The following RAB40B variants were observed in gnomAD, a reference collection of about 807,000 sequenced individuals.
The protein encoded by RAB40B is RAB40B, member RAS oncogene family.
In RAB40B, 21 loss-of-function variants were observed where a neutral mutation model predicts 24.0. The ratio of observed to expected loss-of-function variants is 0.88; its 90% CI spans 0.62 to 1.26. The LOEUF is 1.26. Among genes scored for constraint, RAB40B ranks in the 50% most tolerant of loss-of-function variants. RAB40B has a pLI of 0.00. For synonymous variants in RAB40B, 167 were observed against 169.8 expected (o/e 0.98, Z 0.13); for missense variants, 348 against 390.5 (o/e 0.89, Z 0.92).
rs958240832 is a variant in RAB40B at position 82,663,855 on chromosome 17, C to T, written c.203+641G>A. On this transcript the variant is annotated intron_variant, in intron 2 of 5. Coordinates refer to ENST00000571995, the MANE Select transcript of RAB40B (RefSeq NM_006822.3). The surrounding 1 kb of genome is among the most constrained non-coding windows in gnomAD (Gnocchi z 6.2). ...GATCCCAAAAGCCGATTCCCAGCCA[C>T]AGCGCTATGTCCGTTCTGGGGTCCC... Among the ~76,000 whole-genome samples the T allele has an allele frequency of 6.6e-6, 1 of 152,212 alleles. No individual in the cohort carries two copies. Among genetic ancestry groups the T allele is most frequent in the Non-Finnish European group, 1.5e-5 (1 of 68,020 alleles).
At chr17:82,693,010 C>CA (rs2046573762) in intron 1 of RAB40B, among the ~76,000 whole-genome samples, 1 of 149,818 alleles carries the variant, frequency 6.7e-6, no homozygotes, top group Non-Finnish European at 1.5e-5. Context: ...TATTTTTTTT[C>CA]TTTTTTTTTG....
chr17:82,671,459 C>A (rs12942304), intron 1 of RAB40B, among the ~76,000 whole-genome samples: 4,570 of 73,162 alleles, frequency 0.062, 301 homozygotes, highest in Non-Finnish European at 0.1. Context: ...ACACACCCCA[C>A]CCCTGTAACT....
chr17:82,662,257 C>A (rs558274656), intron 2 of RAB40B: 1 of 985,354 alleles, frequency 1.0e-6, no homozygotes, highest in African/African-American at 1.7e-5. Flanking sequence ...GCAAATTGAT[C>A]TAGAATTCAA....
intron 2 of RAB40B, 183 bp from the exon 3 acceptor site, chr17:82,661,230 C>A: frequency 7.3e-7 from 1 of 1,371,704 alleles, no homozygotes; most frequent in Non-Finnish European, 9.4e-7. Context: ...TTGGGATGTC[C>A]TCCCAGGCTC....
rs143626208 is a variant in RAB40B at position 82,657,900 on chromosome 17, G to C, written c.800C>G (p.Pro267Arg). Residue 267 changes from proline to arginine, a missense_variant, in exon 6 of 6, where the codon CCC (proline) becomes CGC (arginine). Physicochemically the swap from Pro to Arg is moderately radical, Grantham distance 103. This residue lies in a region of RAB40B where 121 missense variants were observed against 124.0 expected (regional missense o/e 0.98). Coordinates refer to ENST00000571995, the MANE Select transcript of RAB40B (RefSeq NM_006822.3). The stretch of plus-strand genomic sequence containing the variant: ...GCAGCTGTTTCTGGTGCAGTTTTTG[G>C]GGGGGCTCTGGGGGGGGCGGACGAG... ...VKLVRPPQSP[P>R]KNCTRNSCKI... The C allele has an allele frequency of 5.6e-6, 9 of 1,612,616 alleles. No individual in the cohort carries two copies. The South Asian group carries it at 7.7e-5, about 14-fold the overall frequency.
At chr17:82,658,857 C>G in intron 4 of RAB40B, 144 bp from the exon 5 acceptor site, 1 of 703,306 alleles carries the variant, frequency 1.4e-6, no homozygotes, top group Non-Finnish European at 2.4e-6. Flanking sequence ...TTGGAAAGAC[C>G]GTCTTTGCAG....
chr17:82,694,558 C>G (rs2046589615), intron 1 of RAB40B, among the ~76,000 whole-genome samples: 1 of 150,990 alleles, frequency 6.6e-6, no homozygotes, highest in African/African-American at 2.5e-5. Flanking sequence ...TACACACACA[C>G]ATACACACAC....
At chr17:82,662,971 G>C (rs765395569) in intron 2 of RAB40B, among the ~76,000 whole-genome samples, 7 of 152,054 alleles carry the variant, frequency 4.6e-5, no homozygotes, top group Non-Finnish European at 7.4e-5. Flanking sequence ...GAGTGGTCTC[G>C]GGGAGGGAGG....
intron 3 of RAB40B, among the ~76,000 whole-genome samples, chr17:82,659,978 C>T (rs1044857352): frequency 2.5e-4 from 38 of 152,232 alleles, no homozygotes; most frequent in South Asian, 2.1e-4. Context: ...ATGGATTGCA[C>T]GCATACACGT....
chr17:82,686,286 AT>A lies in RAB40B; in HGVS notation c.142+12168del, dbSNP rs564619923. Among the ~76,000 whole-genome samples the A allele has an allele frequency of 9.1e-3, 1,367 of 150,948 alleles. 8 individuals are homozygous for A. Among genetic ancestry groups the A allele is most frequent in the Non-Finnish European group, 0.015 (1,032 of 67,846 alleles). On this transcript the variant is annotated intron_variant, in intron 1 of 5. Transcript: ENST00000571995. ...GCCACCACGCCCAGCTAATTTTTGT[AT>A]TTTTAGTAGAGATGGGATTTCCCCA...
intron 1 of RAB40B, among the ~76,000 whole-genome samples, chr17:82,676,089 G>A (rs571956385): frequency 5.9e-5 from 9 of 152,202 alleles, no homozygotes; most frequent in South Asian, 2.1e-4. Context: ...CCGGGTCTCC[G>A]TTTCCCTGGC....
intron 3 of RAB40B, among the ~76,000 whole-genome samples, chr17:82,660,757 G>C (rs919245622): frequency 1.3e-5 from 2 of 152,182 alleles, no homozygotes; most frequent in East Asian, 1.9e-4. Context: ...CTGCACACAC[G>C]TGTACATGCA....
rs1157613620 is a variant in RAB40B at position 82,692,294 on chromosome 17, G to A, written c.142+6161C>T. ...ACATAGTCTGTGGAGTCAAGTTGCCGACAGGGTCCAAGATCCAAGAACTCT... is the reference window on the plus strand; with the variant it reads ...ACATAGTCTGTGGAGTCAAGTTGCCAACAGGGTCCAAGATCCAAGAACTCT... On this transcript the variant is annotated intron_variant, in intron 1 of 5. Coordinates refer to ENST00000571995, the MANE Select transcript of RAB40B (RefSeq NM_006822.3). This position sits in a 1 kb window ranked among gnomAD's most constrained non-coding sequence, Gnocchi z 4.0. Among the ~76,000 whole-genome samples, 1 of 152,180 alleles carries A rather than the reference G, an allele frequency of 6.6e-6. No homozygotes were observed. The highest frequency in any genetic ancestry group is 1.5e-5 in the Non-Finnish European group (1 of 68,036).
Position 82,675,200 on chromosome 17 carries a change from T to TG in RAB40B, c.143-10645dup, listed in dbSNP as rs1456936728. On this transcript the variant is annotated intron_variant, in intron 1 of 5. Coordinates refer to ENST00000571995, the MANE Select transcript of RAB40B (RefSeq NM_006822.3). The surrounding 1 kb of genome is among the most constrained non-coding windows in gnomAD (Gnocchi z 4.5). ...AATTTCACTAACAATAAACAAGAAC[T>TG]GGAAATAAAATCGAACTCAGTGATA... is the stretch of plus-strand genomic sequence containing the variant. 6.6e-6 allele frequency among the ~76,000 whole-genome samples: 1 copy of TG among 152,150 alleles called. No individual in the cohort carries two copies. Among genetic ancestry groups the TG allele is most frequent in the Non-Finnish European group, 1.5e-5 (1 of 68,030 alleles).
chr17:82,669,229 A>G (rs980254061), intron 1 of RAB40B, among the ~76,000 whole-genome samples: 24 of 152,026 alleles, frequency 1.6e-4, no homozygotes, highest in African/African-American at 5.3e-4. Context: ...TAATCCCAGC[A>G]CTTTGGGAGG....
chr17:82,690,442 GAGA>G, intron 1 of RAB40B, among the ~76,000 whole-genome samples: 1 of 133,956 alleles, frequency 7.5e-6, no homozygotes, highest in South Asian at 2.4e-4. Context: ...GTGTGTCCAG[GAGA>G]AGATCTGCAG....
chr17:82,661,503 T>C (rs1427524203), intron 2 of RAB40B, among the ~76,000 whole-genome samples: 2 of 152,100 alleles, frequency 1.3e-5, no homozygotes, highest in Non-Finnish European at 2.9e-5. Context: ...GGGAACTGCC[T>C]GGCGTGAGCT....
chr17:82,698,406 C>CCCCA, intron 1 of RAB40B, 49 bp downstream of exon 1: 1 of 1,178,430 alleles, frequency 8.5e-7, no homozygotes, highest in Non-Finnish European at 1.1e-6. Context: ...CCCCGCGCCC[C>CCCCA]TCCCCGGCCC....
intron 1 of RAB40B, among the ~76,000 whole-genome samples, chr17:82,685,232 G>A (rs536143396): frequency 0.015 from 2,040 of 139,100 alleles, 74 homozygotes; most frequent in African/African-American, 0.05. Context: ...GGGGGAGGGA[G>A]GACGGAGGAG....
Sources: gnomAD v4.1 joint callset for allele counts (sites outside exome capture counted in the v4.1 genomes callset) on GRCh38, gnomAD v4.1.1 for gene constraint, gnomAD v4.1.1 regional missense constraint, Gnocchi (gnomAD v3.1) non-coding constraint, MANE v1.5 for transcripts, NCBI Gene and HGNC (gene_info 2026-07-23, HGNC 2026-07-21) for gene names.